ZC3H12B: variants seen among roughly 807,000 people sequenced by gnomAD.
ZC3H12B encodes the protein probable ribonuclease ZC3H12B.
In ZC3H12B, 7 loss-of-function variants were observed where a neutral mutation model predicts 43.9. The observed-to-expected ratio is 0.16, with a 90% CI of 0.09 to 0.30. The LOEUF is 0.30. ZC3H12B is among the 10% of genes least tolerant of loss of function. ZC3H12B has a pLI of 1.00. For missense variants in ZC3H12B, 475 were observed against 670.2 expected (o/e 0.71, Z 3.22); for synonymous variants, 222 against 241.7 (o/e 0.92, Z 0.76).
the ZC3H12B span, among the ~76,000 whole-genome samples, chrX:65,133,786 G>A: frequency 9.1e-6 from 1 of 110,328 alleles, no homozygotes. Context: ...GGACTCAGAG[G>A]TTGGGGTGGA....
the ZC3H12B span, among the ~76,000 whole-genome samples, chrX:65,353,758 G>A: frequency 2.7e-5 from 3 of 111,563 alleles, no homozygotes; most frequent in South Asian, 1.1e-3. Flanking sequence ...GTCGACCTGG[G>A]ACACTCGAGC....
the ZC3H12B span, among the ~76,000 whole-genome samples, chrX:65,067,416 C>G: frequency 3.8e-4 from 42 of 111,361 alleles, no homozygotes; most frequent in African/African-American, 1.3e-3. Flanking sequence ...GCACCTTGAG[C>G]TTCCTGGGTG....
the ZC3H12B span, among the ~76,000 whole-genome samples, chrX:65,105,309 GC>G: frequency 1.8e-5 from 2 of 110,953 alleles, no homozygotes; most frequent in African/African-American, 6.6e-5. Flanking sequence ...TGCATGTGGG[GC>G]TTAAAACCTA....
the ZC3H12B span, among the ~76,000 whole-genome samples, chrX:65,166,687 C>T: frequency 9.0e-6 from 1 of 111,667 alleles, no homozygotes; most frequent in African/African-American, 3.3e-5. Context: ...CCTGTTTCTC[C>T]ACATCCTCTC....
chrX:65,114,025 A>T, the ZC3H12B span, among the ~76,000 whole-genome samples: 2 of 80,103 alleles, frequency 2.5e-5, no homozygotes, highest in South Asian at 6.9e-4. Flanking sequence ...ATATATATAT[A>T]TTCATCTTTA....
the ZC3H12B span, among the ~76,000 whole-genome samples, chrX:65,257,547 C>T: frequency 9.1e-6 from 1 of 110,290 alleles, no homozygotes. Flanking sequence ...CACATGTATA[C>T]CTATGTAACA....
chrX:65,123,559 A>G, the ZC3H12B span, among the ~76,000 whole-genome samples: 1 of 110,115 alleles, frequency 9.1e-6, no homozygotes, highest in Non-Finnish European at 1.9e-5. Flanking sequence ...AATTTGTAGA[A>G]TGCTTTTGGC....
At chrX:65,372,648 G>A (rs2066264119) in intron 2 of ZC3H12B, among the ~76,000 whole-genome samples, 1 of 109,772 alleles carries the variant, frequency 9.1e-6, no homozygotes, top group Non-Finnish European at 1.9e-5. Flanking sequence ...GAGGAAGGAA[G>A]GAAGGAAAGG....
the ZC3H12B span, among the ~76,000 whole-genome samples, chrX:65,151,775 C>A: frequency 1.8e-5 from 2 of 111,186 alleles, no homozygotes; most frequent in Non-Finnish European, 3.8e-5. Flanking sequence ...ACAGACACAA[C>A]CAAAAAAGAG....
chrX:65,373,944 TA>T (rs1401133068), intron 2 of ZC3H12B, among the ~76,000 whole-genome samples: 2 of 46,756 alleles, frequency 4.3e-5, no homozygotes, highest in Non-Finnish European at 5.7e-5. Flanking sequence ...TATATATATA[TA>T]GTTATATATA....
At chrX:65,067,318 G>T in the ZC3H12B span, among the ~76,000 whole-genome samples, 35 of 112,127 alleles carry the variant, frequency 3.1e-4, no homozygotes, top group East Asian at 8.4e-3. Flanking sequence ...AAAAACCGTG[G>T]GAAAAGTGTA....
At chrX:65,245,035 A>G in the ZC3H12B span, among the ~76,000 whole-genome samples, 1 of 111,440 alleles carries the variant, frequency 9.0e-6, no homozygotes, top group Admixed American at 9.6e-5. Context: ...TCAGATCATC[A>G]CAATCGGAAA....
At chrX:65,180,083 A>T in the ZC3H12B span, among the ~76,000 whole-genome samples, 1 of 112,157 alleles carries the variant, frequency 8.9e-6, no homozygotes, top group Non-Finnish European at 1.9e-5. Flanking sequence ...ATCCCTGCTT[A>T]ACTTTGATGC....
intron 2 of ZC3H12B, among the ~76,000 whole-genome samples, chrX:65,376,349 C>T (rs1353531323): frequency 8.9e-6 from 1 of 112,090 alleles, no homozygotes; most frequent in East Asian, 2.8e-4. Flanking sequence ...GAGAAACTTG[C>T]TGCCCTGAAG....
the ZC3H12B span, among the ~76,000 whole-genome samples, chrX:65,316,480 GA>G: frequency 3.6e-5 from 4 of 112,058 alleles, no homozygotes; most frequent in East Asian, 1.1e-3. Flanking sequence ...TAAGCCAGAA[GA>G]GATTGGGGCC....
At chrX:65,499,095 G>A (rs1398768877) in exon 3 of ZC3H12B, 1 of 1,210,234 alleles carries the variant, frequency 8.3e-7, no homozygotes, top group East Asian at 3.0e-5. Flanking sequence ...TATGATGACC[G>A]GTTCATAGTC....
the ZC3H12B span, among the ~76,000 whole-genome samples, chrX:65,090,053 TAATA>T: frequency 8.9e-6 from 1 of 112,431 alleles, no homozygotes; most frequent in Non-Finnish European, 1.9e-5. Context: ...AAGTATAATA[TAATA>T]AATACATAAA....
chrX:65,477,179 A>G (rs1242134324), intron 3 of ZC3H12B, among the ~76,000 whole-genome samples: 1 of 108,806 alleles, frequency 9.2e-6, no homozygotes, highest in African/African-American at 3.4e-5. Flanking sequence ...ATTAGGGGTA[A>G]TGGCACTGCC....
upstream of ZC3H12B, among the ~76,000 whole-genome samples, chrX:65,363,141 C>T (rs2066126621): frequency 9.0e-6 from 1 of 111,120 alleles, no homozygotes; most frequent in East Asian, 2.8e-4. Flanking sequence ...TACTTTCTTT[C>T]CACCCCTCTG....
Sources: allele counts gnomAD v4.1 joint callset (sites outside exome capture counted in the v4.1 genomes callset), GRCh38; gene constraint gnomAD v4.1.1; transcripts MANE v1.5; gene names NCBI Gene and HGNC (gene_info 2026-07-23, HGNC 2026-07-21).